Variants in UBE2E3 observed in about 807,000 individuals in gnomAD.
UBE2E3 encodes the protein ubiquitin conjugating enzyme E2 E3, also known as ubiquitin-conjugating enzyme E2 E3.
UBE2E3 carries 5 observed loss-of-function variants against 23.6 expected under a neutral mutation model. The observed-to-expected ratio is 0.21, with a 90% CI of 0.11 to 0.44. The LOEUF is 0.44. Ranked by LOEUF, UBE2E3 falls within the 20% of genes least tolerant of loss-of-function variation. The probability of loss-of-function intolerance (pLI) is 0.99; values close to 1 mark genes in which losing one functional copy is unlikely to be tolerated. For synonymous variants in UBE2E3, 78 were observed against 87.5 expected, an observed-to-expected ratio of 0.89 and a Z score of 0.60; for missense variants, 81 against 249.8, an observed-to-expected ratio of 0.32 and a Z score of 4.55.
chr2:181,014,951 T>G (rs1250950095), intron 3 of UBE2E3, among the ~76,000 whole-genome samples: 2 of 152,246 alleles, frequency 1.3e-5, no homozygotes, highest in East Asian at 3.9e-4. Context: ...CAATTTAGAA[T>G]GGTGTGAAAA....
intron 3 of UBE2E3, among the ~76,000 whole-genome samples, chr2:181,010,856 A>G (rs1685304115): frequency 3.3e-5 from 5 of 150,458 alleles, no homozygotes; most frequent in Admixed American, 2.7e-4. Context: ...TATTGGCAAC[A>G]TTCAAATCTG....
chr2:181,000,817 G>A (rs1190067446), intron 3 of UBE2E3, among the ~76,000 whole-genome samples: 1 of 152,198 alleles, frequency 6.6e-6, no homozygotes, highest in Non-Finnish European at 1.5e-5. Flanking sequence ...GGCTTCCAAA[G>A]TGAGAGTAAC....
chr2:180,987,072 A>T (rs991802143), intron 3 of UBE2E3, among the ~76,000 whole-genome samples: 1 of 152,168 alleles, frequency 6.6e-6, no homozygotes, highest in Non-Finnish European at 1.5e-5. Context: ...AAGTTTGATA[A>T]TGACGTTATT....
intron 3 of UBE2E3, among the ~76,000 whole-genome samples, chr2:180,992,425 T>G (rs1418292205): frequency 1.3e-5 from 2 of 152,226 alleles, no homozygotes; most frequent in Non-Finnish European, 2.9e-5. Flanking sequence ...TTTTTCTGGT[T>G]GTGTTGTGAT....
chr2:181,021,610 T>TCCTTCCTC (rs1685693751), intron 3 of UBE2E3, among the ~76,000 whole-genome samples: 2 of 77,876 alleles, frequency 2.6e-5, no homozygotes, highest in Non-Finnish European at 2.5e-5. Flanking sequence ...CTTCCTTCCT[T>TCCTTCCTC]CCTCCCTCTC....
intron 3 of UBE2E3, among the ~76,000 whole-genome samples, chr2:180,993,884 T>C (rs55999220): frequency 0.028 from 4,248 of 152,264 alleles, 98 homozygotes; most frequent in African/African-American, 0.055. Flanking sequence ...GCATTGGCTT[T>C]ATGATTTATT....
At chr2:181,033,383 A>G (rs1329112838) in intron 3 of UBE2E3, among the ~76,000 whole-genome samples, 1 of 152,144 alleles carries the variant, frequency 6.6e-6, no homozygotes, top group Non-Finnish European at 1.5e-5. Flanking sequence ...CCACACATCT[A>G]CAACTATCTG....
chr2:181,052,556 T>C (rs896985928), intron 3 of UBE2E3, among the ~76,000 whole-genome samples: 1 of 151,908 alleles, frequency 6.6e-6, no homozygotes, highest in African/African-American at 2.4e-5. Flanking sequence ...TTTAAAAATA[T>C]CTGAAAATGG....
At chr2:181,016,924 C>T (rs1419512279) in intron 3 of UBE2E3, among the ~76,000 whole-genome samples, 1 of 152,168 alleles carries the variant, frequency 6.6e-6, no homozygotes, top group Non-Finnish European at 1.5e-5. Flanking sequence ...GAGAGGGAAC[C>T]TCTTTAAGTT....
At position 181,001,430 on chromosome 2, in the gene UBE2E3, AC is replaced by A. The variant is rs200880629; in HGVS notation, c.245+17343del. Among the ~76,000 whole-genome samples, 409 of 152,080 alleles carry A rather than the reference AC, an allele frequency of 2.7e-3. 1 individual carries two copies. Among genetic ancestry groups the A allele is most frequent in the African/African-American group, 9.4e-3 (390 of 41,478 alleles). On this transcript the variant is annotated intron_variant, in intron 3 of 5. Transcript: ENST00000410062. Reference sequence around the variant, plus strand: ...TTGCCTTGAGTCCCAGAAGTCCTCCACCCCCCACACCCCCAACTGTGAATGT... The same window carrying A: ...TTGCCTTGAGTCCCAGAAGTCCTCCACCCCCACACCCCCAACTGTGAATGT...
intron 3 of UBE2E3, among the ~76,000 whole-genome samples, chr2:181,000,303 C>G (rs958282037): frequency 6.6e-6 from 1 of 152,146 alleles, no homozygotes; most frequent in East Asian, 1.9e-4. Flanking sequence ...AACTGTTAAT[C>G]ACAACTTCTA....
At chr2:181,053,639 A>G (rs1686907152) in intron 3 of UBE2E3, among the ~76,000 whole-genome samples, 1 of 151,760 alleles carries the variant, frequency 6.6e-6, no homozygotes, top group African/African-American at 2.4e-5. Flanking sequence ...CCCTGCTATT[A>G]TTGTCCCACA....
intron 3 of UBE2E3, among the ~76,000 whole-genome samples, chr2:181,042,616 G>T (rs185223823): frequency 3.2e-4 from 49 of 152,250 alleles, no homozygotes; most frequent in African/African-American, 1.2e-3. Context: ...TAGAATTCAG[G>T]TTCTGCCACG....
chr2:181,014,887 A>C (rs563352908), intron 3 of UBE2E3, among the ~76,000 whole-genome samples: 1 of 152,158 alleles, frequency 6.6e-6, no homozygotes, highest in South Asian at 2.1e-4. Context: ...TTTGAAATAT[A>C]TAATAAATTA....
At chr2:181,028,898 C>G (rs368818008) in intron 3 of UBE2E3, among the ~76,000 whole-genome samples, 2 of 151,936 alleles carry the variant, frequency 1.3e-5, no homozygotes, top group African/African-American at 2.4e-5. Flanking sequence ...ATATGATTAG[C>G]ACTTTTTGTG....
At chr2:181,026,096 G>A (rs1305806431) in intron 3 of UBE2E3, among the ~76,000 whole-genome samples, 13 of 151,862 alleles carry the variant, frequency 8.6e-5, no homozygotes, top group Non-Finnish European at 1.9e-4. Flanking sequence ...CTTTTGCGTA[G>A]AATCAAATCT....
intron 3 of UBE2E3, among the ~76,000 whole-genome samples, chr2:181,035,852 T>C (rs1686259346): frequency 1.3e-5 from 2 of 152,190 alleles, no homozygotes; most frequent in African/African-American, 2.4e-5. Flanking sequence ...ATAGGTAATA[T>C]AAGCTGATGA....
intron 3 of UBE2E3, among the ~76,000 whole-genome samples, chr2:181,044,544 A>G (rs936359713): frequency 6.6e-6 from 1 of 152,150 alleles, no homozygotes; most frequent in African/African-American, 2.4e-5. Flanking sequence ...TGTGTTTTCT[A>G]TAAGGCTTTA....
intron 3 of UBE2E3, among the ~76,000 whole-genome samples, chr2:180,986,489 G>T (rs566779089): frequency 6.6e-6 from 1 of 152,134 alleles, no homozygotes; most frequent in Admixed American, 6.5e-5. Context: ...TTGTATTTTT[G>T]CCTTCATGTC....
Sources: gnomAD v4.1 joint callset for allele counts (sites outside exome capture counted in the v4.1 genomes callset) on GRCh38, gnomAD v4.1.1 for gene constraint, MANE v1.5 for transcripts, NCBI Gene and HGNC (gene_info 2026-07-23, HGNC 2026-07-21) for gene names.